BTBD9: variants seen among roughly 807,000 people sequenced by gnomAD.
BTBD9 encodes BTB domain containing 9, also known as BTB/POZ domain-containing protein 9.
In BTBD9, 49 loss-of-function variants were observed where a neutral mutation model predicts 64.3. The observed-to-expected ratio is 0.76, with a 90% CI of 0.61 to 0.97. The LOEUF is 0.97. BTBD9 is among the 50% of genes least tolerant of loss of function. The probability of loss-of-function intolerance (pLI) is 0.00; values close to 1 mark genes in which losing one functional copy is unlikely to be tolerated. For synonymous variants in BTBD9, 260 were observed against 274.7 expected (o/e 0.95, Z 0.53); for missense variants, 598 against 762.1 (o/e 0.78, Z 2.53).
chr6:38,591,906 C>T (rs184147280), intron 4 of BTBD9, among the ~76,000 whole-genome samples: 32 of 152,136 alleles, frequency 2.1e-4, no homozygotes, highest in East Asian at 3.9e-4. Flanking sequence ...CATGTTCAGC[C>T]GGGCGTGGTG....
intron 6 of BTBD9, among the ~76,000 whole-genome samples, chr6:38,479,237 C>A (rs566181453): frequency 3.9e-5 from 6 of 152,248 alleles, no homozygotes; most frequent in African/African-American, 1.4e-4. Context: ...GGTTCAGACA[C>A]ACAACCCCTC....
intron 6 of BTBD9, among the ~76,000 whole-genome samples, chr6:38,411,998 C>CAT (rs1200013486): frequency 1.3e-5 from 2 of 151,908 alleles, no homozygotes; most frequent in Non-Finnish European, 2.9e-5. Flanking sequence ...TGTACACACA[C>CAT]ATATATATAA....
At chr6:38,584,222 G>A (rs1776411902) in intron 4 of BTBD9, among the ~76,000 whole-genome samples, 1 of 152,104 alleles carries the variant, frequency 6.6e-6, no homozygotes, top group South Asian at 2.1e-4. Context: ...CAGCTACCTG[G>A]GCAGCCAAGG....
intron 6 of BTBD9, among the ~76,000 whole-genome samples, chr6:38,511,900 G>C (rs1248066543): frequency 2.0e-5 from 3 of 152,068 alleles, no homozygotes; most frequent in Admixed American, 1.3e-4. Flanking sequence ...GAAATGAAAT[G>C]GTCTAGGACC....
At chr6:38,617,814 G>T (rs1345447096) in intron 1 of BTBD9, among the ~76,000 whole-genome samples, 2 of 152,148 alleles carry the variant, frequency 1.3e-5, no homozygotes, top group Non-Finnish European at 2.9e-5. Flanking sequence ...CAAGGGTAAG[G>T]TCCCAGCACC....
chr6:38,589,911 C>T (rs551027204), intron 4 of BTBD9, among the ~76,000 whole-genome samples: 57 of 152,238 alleles, frequency 3.7e-4, no homozygotes, highest in African/African-American at 1.3e-3. Flanking sequence ...ACCTTAAGTC[C>T]CCTGGCAATA....
chr6:38,460,064 G>T (rs1770003907), intron 6 of BTBD9, among the ~76,000 whole-genome samples: 1 of 152,082 alleles, frequency 6.6e-6, no homozygotes, highest in African/African-American at 2.4e-5. Context: ...TAACAGAGTG[G>T]GAAGTCAATG....
At chr6:38,498,357 G>T (rs1772047101) in intron 6 of BTBD9, among the ~76,000 whole-genome samples, 1 of 149,822 alleles carries the variant, frequency 6.7e-6, no homozygotes, top group Admixed American at 6.7e-5. Context: ...TTCACAGACT[G>T]TACTAAACAG....
rs536712178 is a variant in BTBD9 at position 38,527,092 on chromosome 6, T to C, written c.1154+50508A>G. On this transcript the variant is annotated intron_variant, in intron 6 of 10. Coordinates refer to ENST00000481247, the MANE Select transcript of BTBD9 (RefSeq NM_001099272.2). ...GAGTTTCAGACCAGCCTGGCCAACATAGTGAAACCCCATCTCTACTAAAAA... is the reference window on the plus strand; with the variant it reads ...GAGTTTCAGACCAGCCTGGCCAACACAGTGAAACCCCATCTCTACTAAAAA... 2.0e-5 allele frequency among the ~76,000 whole-genome samples: 3 copies of C among 151,666 alleles called. No individual in the cohort carries two copies. The South Asian group carries it at 6.3e-4, about 32-fold the overall frequency.
chr6:38,478,568 C>A (rs945079258), intron 6 of BTBD9, among the ~76,000 whole-genome samples: 1 of 152,146 alleles, frequency 6.6e-6, no homozygotes, highest in Non-Finnish European at 1.5e-5. Context: ...TTCCCATACT[C>A]TCCTTAGAGG....
chr6:38,483,629 C>T (rs1771264567), intron 6 of BTBD9, among the ~76,000 whole-genome samples: 1 of 152,118 alleles, frequency 6.6e-6, no homozygotes, highest in Non-Finnish European at 1.5e-5. Context: ...GCTAAACATA[C>T]CTTCCTCCCA....
chr6:38,581,511 GATTT>G (rs1167454648), intron 4 of BTBD9, among the ~76,000 whole-genome samples: 1 of 152,112 alleles, frequency 6.6e-6, no homozygotes, highest in Admixed American at 6.5e-5. Context: ...ACCAACATTA[GATTT>G]ATTAACCACC....
intron 6 of BTBD9, among the ~76,000 whole-genome samples, chr6:38,443,908 G>A (rs759823983): frequency 2.6e-5 from 4 of 152,110 alleles, no homozygotes; most frequent in South Asian, 2.1e-4. Flanking sequence ...AAAACGGAGC[G>A]GTTTTGAAAG....
intron 6 of BTBD9, chr6:38,482,012 C>CCCCTTCAACATTCA (rs1362324461): frequency 2.6e-5 from 4 of 152,184 alleles, no homozygotes; most frequent in African/African-American, 4.8e-5. Flanking sequence ...TTAGGATGTG[C>CCCCTTCAACATTCA]TGTATAATGT....
Position 38,169,543 on chromosome 6 carries a change from GC to G in BTBD9, c.*5441del, listed in dbSNP as rs1251355616. On this transcript the variant is annotated 3_prime_UTR_variant, in exon 11 of 11. Transcript: ENST00000481247. ...CAGTCCCTGCCCTGAAGGCTGCTCA[GC>G]CCCTCCAGCCCCCGTCCCGCCTCGC... 6.6e-6 allele frequency: 1 copy of G among 152,396 alleles called. No homozygotes were observed. The highest frequency in any genetic ancestry group is 1.5e-5 in the Non-Finnish European group (1 of 68,214). 9.4% of individuals were successfully genotyped at this position (152,396 alleles called of 1,614,324 possible).
intron 1 of BTBD9, among the ~76,000 whole-genome samples, chr6:38,606,451 T>C (rs1044889631): frequency 6.6e-6 from 1 of 152,222 alleles, no homozygotes; most frequent in Non-Finnish European, 1.5e-5. Flanking sequence ...ATGACAACTT[T>C]ACTACTTACT....
At chr6:38,242,056 T>C (rs1764008944) in intron 9 of BTBD9, among the ~76,000 whole-genome samples, 1 of 152,216 alleles carries the variant, frequency 6.6e-6, no homozygotes, top group African/African-American at 2.4e-5. Flanking sequence ...TCTGTGGAAG[T>C]AGTACTGACA....
rs768376319 is a variant in BTBD9 at position 38,175,072 on chromosome 6, G to A, written c.1752C>T (p.Asp584=). 2.5e-6 allele frequency: 4 copies of A among 1,614,228 alleles called. No homozygotes were observed. Among genetic ancestry groups the A allele is most frequent in the Non-Finnish European group, 3.4e-6 (4 of 1,180,046 alleles). ...GDTSLAGQQL[D]SHALRAPSGS... ...CACTAGGCGCCCGCAGCGCATGGGA[G>A]TCGAGCTGCTGACCGGCCAGGCTGG... The change falls in exon 11 of 11, where the codon GAC becomes GAT. Residue 584 remains aspartate (D), a synonymous_variant. Transcript: ENST00000481247.
At chr6:38,243,339 G>C (rs1764073467) in intron 9 of BTBD9, among the ~76,000 whole-genome samples, 1 of 152,172 alleles carries the variant, frequency 6.6e-6, no homozygotes, top group Admixed American at 6.5e-5. Context: ...AGATGACCCA[G>C]GTAAGGATCG....
Sources: gnomAD v4.1 joint callset for allele counts (sites outside exome capture counted in the v4.1 genomes callset) on GRCh38, gnomAD v4.1.1 for gene constraint, MANE v1.5 for transcripts, NCBI Gene and HGNC (gene_info 2026-07-23, HGNC 2026-07-21) for gene names.